Variants in ATF7IP2 observed in about 807,000 individuals in gnomAD.
The protein encoded by ATF7IP2 is activating transcription factor 7 interacting protein 2, also known as activating transcription factor 7-interacting protein 2.
ATF7IP2 carries 42 observed loss-of-function variants against 64.2 expected under a neutral mutation model. The observed-to-expected ratio is 0.65, with a 90% CI of 0.51 to 0.85. The LOEUF (loss-of-function observed/expected upper bound fraction) is 0.85. Among genes scored for constraint, ATF7IP2 ranks in the 40% least tolerant of loss-of-function variants. ATF7IP2 has a pLI of 0.00. For missense variants in ATF7IP2, 933 were observed against 784.2 expected (o/e 1.19, Z -2.27); for synonymous variants, 308 against 272.8 (o/e 1.13, Z -1.27).
chr16:10,398,419 C>A (rs2047462287), intron 1 of ATF7IP2, among the ~76,000 whole-genome samples: 1 of 151,786 alleles, frequency 6.6e-6, no homozygotes, highest in Admixed American at 6.6e-5. Flanking sequence ...TTTAGAAGTT[C>A]AAAAAAATTA....
At chr16:10,468,385 A>T (rs2049662468) in intron 9 of ATF7IP2, among the ~76,000 whole-genome samples, 1 of 152,222 alleles carries the variant, frequency 6.6e-6, no homozygotes, top group South Asian at 2.1e-4. Context: ...CAACAGCTAC[A>T]GGAACTGACA....
At chr16:10,436,779 C>T (rs1017295957) in intron 6 of ATF7IP2, among the ~76,000 whole-genome samples, 2 of 151,842 alleles carry the variant, frequency 1.3e-5, no homozygotes, top group Non-Finnish European at 2.9e-5. Flanking sequence ...AATTGCTTAC[C>T]AGGAGGATAC....
chr16:10,465,091 A>G (rs1006581302), intron 9 of ATF7IP2, among the ~76,000 whole-genome samples: 2 of 152,158 alleles, frequency 1.3e-5, no homozygotes, highest in Non-Finnish European at 2.9e-5. Flanking sequence ...CAGCCTCCCA[A>G]AGTGGTGGAA....
At chr16:10,401,482 T>C (rs1193403927) in intron 1 of ATF7IP2, among the ~76,000 whole-genome samples, 1 of 152,214 alleles carries the variant, frequency 6.6e-6, no homozygotes, top group East Asian at 1.9e-4. Context: ...ATCTTTTTTA[T>C]GTGCTGTTAG....
rs1477340882 is a variant in ATF7IP2 at position 10,482,483 on chromosome 16, CTGAGGTGCATTGTGAACAATACCTTTAG to C, written c.*238_*265del. 5.5e-6 allele frequency: 2 copies of C among 366,814 alleles called. No individual in the cohort carries two copies. Among genetic ancestry groups the C allele is most frequent in the African/African-American group, 2.1e-5 (1 of 47,210 alleles). 22.7% of individuals were successfully genotyped at this position (366,814 alleles called of 1,614,324 possible). ...CATACGCTATCATTGGCCCATGTTG[CTGAGGTGCATTGTGAACAATACCTTTAG>C]TGACTGTGGAACTGCTGCTTCTATC... On this transcript the variant is annotated 3_prime_UTR_variant, in exon 14 of 14. Coordinates refer to ENST00000562102, the MANE Select transcript of ATF7IP2 (RefSeq NM_001393719.1).
intron 8 of ATF7IP2, among the ~76,000 whole-genome samples, chr16:10,452,704 C>G (rs2049025160): frequency 6.6e-6 from 1 of 152,170 alleles, no homozygotes; most frequent in Non-Finnish European, 1.5e-5. Context: ...TCTACTGAAG[C>G]CCTCAGGTGC....
chr16:10,393,706 T>G (rs1421817911), intron 1 of ATF7IP2, among the ~76,000 whole-genome samples: 2 of 152,122 alleles, frequency 1.3e-5, no homozygotes, highest in Non-Finnish European at 2.9e-5. Flanking sequence ...TCTGATAGGT[T>G]TTTTGGGATG....
At chr16:10,462,908 C>T (rs927311571) in intron 9 of ATF7IP2, among the ~76,000 whole-genome samples, 3 of 152,118 alleles carry the variant, frequency 2.0e-5, no homozygotes, top group African/African-American at 7.2e-5. Flanking sequence ...GTGTTGTGTT[C>T]CAGCTTATTA....
At chr16:10,427,140 C>T (rs982444007) in intron 3 of ATF7IP2, among the ~76,000 whole-genome samples, 17 of 152,126 alleles carry the variant, frequency 1.1e-4, no homozygotes, top group African/African-American at 3.1e-4. Flanking sequence ...AGGCTTGAGC[C>T]ACTGCACCTG....
At chr16:10,438,435 T>C (rs1182402858) in intron 7 of ATF7IP2, among the ~76,000 whole-genome samples, 200 bp downstream of exon 7, 1 of 151,050 alleles carries the variant, frequency 6.6e-6, no homozygotes, top group South Asian at 2.1e-4. Context: ...TTTTTTTTTT[T>C]AGAGATGAGG....
intron 8 of ATF7IP2, among the ~76,000 whole-genome samples, chr16:10,453,270 A>G (rs1010892572): frequency 7.2e-5 from 11 of 152,146 alleles, no homozygotes; most frequent in Admixed American, 2.0e-4. Context: ...TGTGGGAAAA[A>G]TGCAGTATCT....
chr16:10,412,811 AT>A (rs1183039030), intron 1 of ATF7IP2, among the ~76,000 whole-genome samples: 1 of 152,056 alleles, frequency 6.6e-6, no homozygotes, highest in Non-Finnish European at 1.5e-5. Context: ...TGTCTATCTC[AT>A]TTCTTAAGTT....
In ATF7IP2 at chr16:10,473,490, A is replaced by G. The variant is rs2049883046; in HGVS notation, c.1438A>G (p.Ile480Val). 3 of 1,565,418 alleles carry G rather than the reference A, an allele frequency of 1.9e-6. No individual in the cohort carries two copies. Among genetic ancestry groups the G allele is most frequent in the Non-Finnish European group, 2.6e-6 (3 of 1,140,580 alleles). Residue 480 changes from isoleucine to valine, a missense_variant, in exon 11 of 14, where the codon ATT becomes GTT. Transcript: ENST00000562102. ...ITSNPTDTRKITSGNSSNSPN... is the reference protein window; with the variant it reads ...ITSNPTDTRKVTSGNSSNSPN... ...CTAATTTCTTTCAGATACCAGAAAA[A>G]TTACATCAGGAAATTCTAGCAATTC...
At chr16:10,418,381 C>T (rs926837659) in intron 2 of ATF7IP2, among the ~76,000 whole-genome samples, 3 of 152,126 alleles carry the variant, frequency 2.0e-5, no homozygotes, top group African/African-American at 7.2e-5. Context: ...AGTTTTGGGG[C>T]CTGTTGATGG....
intron 3 of ATF7IP2, among the ~76,000 whole-genome samples, chr16:10,421,938 T>C (rs2047995818): frequency 6.6e-6 from 1 of 152,226 alleles, no homozygotes; most frequent in African/African-American, 2.4e-5. Context: ...AGAAACAGTC[T>C]TTTAAATCTA....
intron 6 of ATF7IP2, among the ~76,000 whole-genome samples, chr16:10,437,662 G>A (rs566080564): frequency 6.6e-6 from 1 of 152,270 alleles, no homozygotes; most frequent in South Asian, 2.1e-4. Flanking sequence ...TCACACTTGT[G>A]TAATTTGTTC....
chr16:10,387,985 C>G (rs968905534), intron 1 of ATF7IP2, among the ~76,000 whole-genome samples: 1 of 152,058 alleles, frequency 6.6e-6, no homozygotes. Flanking sequence ...TCACTGCAAC[C>G]TCCTCCCTCC....
chr16:10,474,041 A>G, intron 12 of ATF7IP2, 52 bp downstream of exon 12: 2 of 1,183,028 alleles, frequency 1.7e-6, no homozygotes, highest in East Asian at 4.7e-5. Context: ...AAGGGTAACA[A>G]CTCATAATGC....
At chr16:10,477,327 A>T (rs2050047303) in intron 12 of ATF7IP2, among the ~76,000 whole-genome samples, 1 of 152,254 alleles carries the variant, frequency 6.6e-6, no homozygotes. Flanking sequence ...CATCCCAGGG[A>T]TGAAGCCCAC....
Sources: allele counts gnomAD v4.1 joint callset (sites outside exome capture counted in the v4.1 genomes callset), GRCh38; gene constraint gnomAD v4.1.1; transcripts MANE v1.5; gene names NCBI Gene and HGNC (gene_info 2026-07-23, HGNC 2026-07-21).